Variants in PIEZO2 observed in about 807,000 individuals in gnomAD.
PIEZO2 encodes piezo-type mechanosensitive ion channel component 2.
In PIEZO2, 172 loss-of-function variants were observed where a neutral mutation model predicts 337.3. The observed-to-expected ratio is 0.51, with a 90% confidence interval of 0.45 to 0.58. PIEZO2 has a LOEUF of 0.58. PIEZO2 is among the 20% of genes least tolerant of loss of function. The probability of loss-of-function intolerance (pLI) is 0.00; values close to 1 mark genes in which losing one functional copy is unlikely to be tolerated. For synonymous variants in PIEZO2, 1,251 were observed against 1,228.5 expected (o/e 1.02, Z -0.38); for missense variants, 3,028 against 3,391.3 (o/e 0.89, Z 2.66).
Position 10,949,908 on chromosome 18 carries a change from G to T in PIEZO2, c.286+29627C>A, listed in dbSNP as rs377281097. 2.0e-5 allele frequency among the ~76,000 whole-genome samples: 3 copies of T among 152,258 alleles called. No homozygotes were observed. In the East Asian group the frequency reaches 5.8e-4, roughly 29 times the overall value. On this transcript the variant is annotated intron_variant, in intron 3 of 55. Coordinates refer to ENST00000674853, the MANE Select transcript of PIEZO2 (RefSeq NM_001378183.1). The stretch of plus-strand genomic sequence containing the variant: ...AAGGCAGCCTCCTCTGGCTCAGAAG[G>T]CCTTCTAATAGTGTCCTTGAAAGAC...
chr18:10,757,612 G>C (rs1472413217), intron 27 of PIEZO2, among the ~76,000 whole-genome samples: 1 of 150,904 alleles, frequency 6.6e-6, no homozygotes, highest in Non-Finnish European at 1.5e-5. Flanking sequence ...TGGGGGATGA[G>C]GAAGAGGGAG....
intron 37 of PIEZO2, among the ~76,000 whole-genome samples, chr18:10,717,136 C>T (rs1038672756): frequency 2.0e-5 from 3 of 152,186 alleles, no homozygotes; most frequent in South Asian, 2.1e-4. Context: ...GAGGTTAAGT[C>T]GGTTAATCTC....
chr18:10,842,791 T>C (rs1436698552), intron 7 of PIEZO2, among the ~76,000 whole-genome samples: 2 of 152,284 alleles, frequency 1.3e-5, no homozygotes, highest in Non-Finnish European at 2.9e-5. Flanking sequence ...ACTATAAATA[T>C]GTGCAGTTTA....
rs1568049744 is a variant in PIEZO2, at chr18:10,781,543, TAAAC to T, written c.2493-1181_2493-1178del. Among the ~76,000 whole-genome samples the T allele has an allele frequency of 2.0e-5, 3 of 151,970 alleles. No homozygotes were observed. Among genetic ancestry groups the T allele is most frequent in the African/African-American group, 7.3e-5 (3 of 41,374 alleles). The stretch of plus-strand genomic sequence containing the variant: ...TCATTGCTAATTATATATTATATAA[TAAAC>T]AATGTTATACGTTATAATTCTTATA... On this transcript the variant is annotated intron_variant, in intron 17 of 55. Transcript: ENST00000674853. The surrounding 1 kb of genome is among the most constrained non-coding windows in gnomAD (Gnocchi z 4.1).
At chr18:11,067,480 T>C (rs554514448) in intron 1 of PIEZO2, among the ~76,000 whole-genome samples, 2 of 152,308 alleles carry the variant, frequency 1.3e-5, no homozygotes, top group South Asian at 4.1e-4. Context: ...CCCAAGTATA[T>C]GCTGCCTGCA....
intron 36 of PIEZO2, among the ~76,000 whole-genome samples, chr18:10,721,744 G>C (rs563894956): frequency 3.3e-5 from 5 of 152,190 alleles, no homozygotes; most frequent in African/African-American, 1.2e-4. Flanking sequence ...GCCTAACACT[G>C]ACAAATGAGG....
rs2034048617 is a variant in PIEZO2, at chr18:10,677,190, A to G, written c.8081+557T>C. ...TGAGCTCCCTGTAGCCTGGCACCAT[A>G]CAAACCCTCATTCATTTGTTTTTTA... On this transcript the variant is annotated intron_variant, in intron 53 of 55. Coordinates refer to ENST00000674853, the MANE Select transcript of PIEZO2 (RefSeq NM_001378183.1). This position sits in a 1 kb window ranked among gnomAD's most constrained non-coding sequence, Gnocchi z 4.1. 6.6e-6 allele frequency among the ~76,000 whole-genome samples: 1 copy of G among 152,156 alleles called. No homozygotes were observed. Among genetic ancestry groups the G allele is most frequent in the South Asian group, 2.1e-4 (1 of 4,830 alleles).
In PIEZO2 at chr18:10,758,553, C is replaced by T. The variant is rs2037985461; in HGVS notation, c.3758-419G>A. Among the ~76,000 whole-genome samples the T allele has an allele frequency of 2.0e-5, 3 of 152,310 alleles. 1 individual carries two copies. The South Asian group carries it at 6.2e-4, about 32-fold the overall frequency. On this transcript the variant is annotated intron_variant, in intron 26 of 55. Transcript: ENST00000674853. The stretch of plus-strand genomic sequence containing the variant: ...CCCCACCTCCTGGGTTCACACCATT[C>T]TCCTGCCTCAGCCTCCCAAGTAGCT...
At chr18:10,702,374 C>T (rs917561114) in intron 42 of PIEZO2, among the ~76,000 whole-genome samples, 3 of 152,186 alleles carry the variant, frequency 2.0e-5, no homozygotes, top group Non-Finnish European at 4.4e-5. Context: ...ATCTAACCGT[C>T]ACAGTGTCTT....
Position 10,726,811 on chromosome 18 carries a change from G to A in PIEZO2, c.5029+4596C>T. 6.4e-7 allele frequency: 1 copy of A among 1,563,454 alleles called. No individual in the cohort carries two copies. The highest frequency in any genetic ancestry group is 2.3e-5 in the East Asian group (1 of 44,394). On this transcript the variant is annotated intron_variant, in intron 36 of 55. Coordinates refer to ENST00000674853, the MANE Select transcript of PIEZO2 (RefSeq NM_001378183.1). The surrounding 1 kb of genome is among the most constrained non-coding windows in gnomAD (Gnocchi z 5.9). ...GGATGTGGACCACCTGCGGCCCCATGGGGTGCTGGATAATACCCGGATGCC... is the reference window on the plus strand; with the variant it reads ...GGATGTGGACCACCTGCGGCCCCATAGGGTGCTGGATAATACCCGGATGCC...
Position 10,705,401 on chromosome 18 carries a change from C to T in PIEZO2, c.5934G>A (p.Lys1978=), listed in dbSNP as rs1205444077. 1.5e-5 allele frequency: 23 copies of T among 1,537,244 alleles called. No homozygotes were observed. Among genetic ancestry groups the T allele is most frequent in the Non-Finnish European group, 1.9e-5 (22 of 1,146,906 alleles). ...AVSPDDSRTD[K]LGSSILPPLT... is the part of the protein sequence containing the mutation. ...GGGGAGGTAAGATGCTGGACCCCAG[C>T]TTGTCGGTGCGGCTGTCGTCCGGGC... Residue 1978 remains lysine, a synonymous_variant, in exon 41 of 56, where the codon AAG becomes AAA. Transcript: ENST00000674853.
chr18:10,696,537 GTCCTGCAAAA>G lies in PIEZO2; in HGVS notation c.6828-8_6829del, dbSNP rs1567958264. 6.2e-7 allele frequency: 1 copy of G among 1,613,166 alleles called. No homozygotes were observed. Among genetic ancestry groups the G allele is most frequent in the East Asian group, 2.2e-5 (1 of 44,880 alleles). On this transcript the variant is annotated splice_acceptor_variant and splice_polypyrimidine_tract_variant and coding_sequence_variant and intron_variant, in exon 46 of 56. Transcript: ENST00000674853. LOFTEE classifies it high-confidence loss of function. ...TTTGATGGGCACATAGATCTCCAGC[GTCCTGCAAAA>G]TGGAGACCCCCACCCCCAACCCACT...
At position 11,080,425 on chromosome 18, in the gene PIEZO2, T is replaced by C. The variant is rs1386256706; in HGVS notation, c.65-14203A>G. Reference sequence around the variant, plus strand: ...TTCCTTGATTAGACTGTAACCCCCTTAAGAGTAGGGCTTTGCCACTGCTGT... The same window carrying C: ...TTCCTTGATTAGACTGTAACCCCCTCAAGAGTAGGGCTTTGCCACTGCTGT... On this transcript the variant is annotated intron_variant, in intron 1 of 55. Transcript: ENST00000674853. The surrounding 1 kb of genome is among the most constrained non-coding windows in gnomAD (Gnocchi z 5.4). 6.6e-6 allele frequency among the ~76,000 whole-genome samples: 1 copy of C among 152,200 alleles called. No individual in the cohort carries two copies. Among genetic ancestry groups the C allele is most frequent in the East Asian group, 1.9e-4 (1 of 5,192 alleles).
chr18:11,131,956 A>T lies in PIEZO2; in HGVS notation c.64+16569T>A, dbSNP rs2040352790. Among the ~76,000 whole-genome samples the T allele has an allele frequency of 6.6e-6, 1 of 152,210 alleles. No homozygotes were observed. The highest frequency in any genetic ancestry group is 2.4e-5 in the African/African-American group (1 of 41,460). ...GTTGGAGGTTATACATGGGCTCAGT[A>T]ACAAGGACTTCCATTGACCAAGGCT... On this transcript the variant is annotated intron_variant, in intron 1 of 55. Coordinates refer to ENST00000674853, the MANE Select transcript of PIEZO2 (RefSeq NM_001378183.1). The surrounding 1 kb of genome is among the most constrained non-coding windows in gnomAD (Gnocchi z 5.3).
At chr18:11,049,660 A>T (rs113742879) in intron 2 of PIEZO2, among the ~76,000 whole-genome samples, 1 of 152,134 alleles carries the variant, frequency 6.6e-6, no homozygotes, top group East Asian at 1.9e-4. Flanking sequence ...GGTTTCCCCC[A>T]TACTGTTCTC....
At chr18:11,040,913 A>G (rs113351344) in intron 2 of PIEZO2, among the ~76,000 whole-genome samples, 2,004 of 152,314 alleles carry the variant, frequency 0.013, 57 homozygotes, top group African/African-American at 0.045. Context: ...TAATTTTTCT[A>G]GAAAAATTAG....
intron 21 of PIEZO2, among the ~76,000 whole-genome samples, chr18:10,768,390 A>C (rs2038455777): frequency 6.6e-6 from 1 of 152,196 alleles, no homozygotes; most frequent in Non-Finnish European, 1.5e-5. Context: ...CACCAAATTG[A>C]TTGCTTAGTG....
chr18:10,834,363 T>G lies in PIEZO2; in HGVS notation c.917+20990A>C, dbSNP rs1449630998. On this transcript the variant is annotated intron_variant, in intron 7 of 55. Coordinates refer to ENST00000674853, the MANE Select transcript of PIEZO2 (RefSeq NM_001378183.1). The surrounding 1 kb of genome is among the most constrained non-coding windows in gnomAD (Gnocchi z 4.5). ...GCATAATAAAGTAGACCACACCTTA[T>G]GGAGTTGTTGGGAGGATTAAATGAA... 6.6e-6 allele frequency among the ~76,000 whole-genome samples: 1 copy of G among 152,172 alleles called. No homozygotes were observed. The highest frequency in any genetic ancestry group is 2.4e-5 in the African/African-American group (1 of 41,442).
At chr18:11,133,392 A>C (rs2040393201) in intron 1 of PIEZO2, among the ~76,000 whole-genome samples, 3 of 152,146 alleles carry the variant, frequency 2.0e-5, no homozygotes, top group Non-Finnish European at 4.4e-5. Flanking sequence ...CAAGTTGACA[A>C]GGGGTAGACT....
Sources: allele counts gnomAD v4.1 joint callset (sites outside exome capture counted in the v4.1 genomes callset), GRCh38; gene constraint gnomAD v4.1.1; non-coding constraint Gnocchi (gnomAD v3.1); transcripts MANE v1.5; gene names NCBI Gene and HGNC (gene_info 2026-07-23, HGNC 2026-07-21).